Variants in HLCS observed in about 807,000 individuals in gnomAD.
HLCS encodes biotin--protein ligase.
In HLCS, 53 loss-of-function variants were observed where a neutral mutation model predicts 75.0. The ratio of observed to expected loss-of-function variants is 0.71; its 90% confidence interval spans 0.57 to 0.89. The LOEUF is 0.89. HLCS is among the 40% of genes least tolerant of loss of function. The pLI, the probability that HLCS is intolerant of heterozygous loss-of-function variation, is 0.00. For synonymous variants in HLCS, 431 were observed against 428.6 expected (o/e 1.01, Z -0.07); for missense variants, 966 against 1,074.0 (o/e 0.90, Z 1.41).
intron 5 of HLCS, among the ~76,000 whole-genome samples, chr21:36,926,392 A>G (rs2066408575): frequency 1.3e-5 from 2 of 152,214 alleles, no homozygotes; most frequent in African/African-American, 4.8e-5. Flanking sequence ...CCCTTTCTAA[A>G]TAATATGTCA....
At chr21:36,845,357 C>T (rs73212691) in intron 6 of HLCS, among the ~76,000 whole-genome samples, 15,230 of 152,078 alleles carry the variant, frequency 0.1, 889 homozygotes, top group South Asian at 0.13. Flanking sequence ...ACTTCCGTGC[C>T]GCGGCACACA....
chr21:36,945,394 GA>G (rs1429038337), intron 2 of HLCS, among the ~76,000 whole-genome samples: 2 of 152,024 alleles, frequency 1.3e-5, no homozygotes. Context: ...CCAAAAGGTA[GA>G]AACAACCCAA....
rs886057077 is a variant in HLCS at position 36,937,163 on chromosome 21, G to T, written c.723C>A (p.Gly241=). 81 of 1,613,982 alleles carry T rather than the reference G, an allele frequency of 5.0e-5. No homozygotes were observed. Among genetic ancestry groups the T allele is most frequent in the Non-Finnish European group, 6.6e-5 (78 of 1,180,016 alleles). Residue 241 remains glycine (G), a synonymous_variant, in exon 4 of 11, where the codon GGC becomes GGA. Transcript: ENST00000674895. ...EPAGDSDRGG[G]PVEHYHLHLS... is the part of the protein sequence containing the mutation. ...GATGGAGGTGATAATGCTCAACGGG[G>T]CCCCCTCCCCTGTCACTGTCCCCAG...
intron 6 of HLCS, among the ~76,000 whole-genome samples, chr21:36,875,815 G>A (rs890187324): frequency 3.3e-5 from 5 of 152,208 alleles, no homozygotes; most frequent in African/African-American, 9.6e-5. Flanking sequence ...CCCCCTGCTC[G>A]CCATGTTGCA....
upstream of HLCS, among the ~76,000 whole-genome samples, chr21:36,971,049 C>T (rs566369478): frequency 6.6e-6 from 1 of 150,636 alleles, no homozygotes; most frequent in Non-Finnish European, 1.5e-5. Flanking sequence ...AACTTTAATA[C>T]GTATATTAAC....
At chr21:36,863,363 A>C (rs2063447412) in intron 6 of HLCS, among the ~76,000 whole-genome samples, 2 of 152,238 alleles carry the variant, frequency 1.3e-5, no homozygotes, top group African/African-American at 2.4e-5. Flanking sequence ...AATCAGATGG[A>C]AAATGTGGGG....
At chr21:36,938,694 TA>T (rs1191510700) in intron 3 of HLCS, 137 bp downstream of exon 3, 1 of 814,074 alleles carries the variant, frequency 1.2e-6, no homozygotes, top group Non-Finnish European at 2.0e-6. Context: ...TTTTTGGAGA[TA>T]GGGGTCTATG....
intron 6 of HLCS, among the ~76,000 whole-genome samples, chr21:36,808,753 T>C (rs975750887): frequency 6.6e-6 from 1 of 152,368 alleles, no homozygotes; most frequent in Non-Finnish European, 1.5e-5. Flanking sequence ...GTCTTTACTC[T>C]TTTCCAAGGA....
chr21:36,797,845 A>G (rs1485564613), intron 6 of HLCS, among the ~76,000 whole-genome samples: 2 of 152,240 alleles, frequency 1.3e-5, no homozygotes, highest in Non-Finnish European at 2.9e-5. Context: ...ACACTGGTTT[A>G]TTGAGCATTT....
intron 5 of HLCS, among the ~76,000 whole-genome samples, chr21:36,900,981 C>A (rs1267796946): frequency 6.6e-6 from 1 of 152,152 alleles, no homozygotes; most frequent in Non-Finnish European, 1.5e-5. Context: ...CCCACGGGGG[C>A]TGGGCGCGGT....
intron 5 of HLCS, among the ~76,000 whole-genome samples, chr21:36,927,367 A>G (rs2066454310): frequency 6.6e-6 from 1 of 152,240 alleles, no homozygotes; most frequent in Non-Finnish European, 1.5e-5. Flanking sequence ...CCAAATGCCA[A>G]GGGCTGACCG....
chr21:36,779,590 T>C (rs8129637), intron 6 of HLCS, among the ~76,000 whole-genome samples: 95,169 of 152,036 alleles, frequency 0.63, 30,217 homozygotes, highest in Middle Eastern at 0.69. Context: ...GCAGTGCTGA[T>C]CCATATTACT....
chr21:36,961,929 G>C lies in HLCS; in HGVS notation c.330+107C>G, dbSNP rs181382792. 1.0e-4 allele frequency: 66 copies of C among 637,004 alleles called. No individual in the cohort carries two copies. In the African/African-American group the frequency reaches 1.3e-3, roughly 12 times the overall value. The allele number at this position is 637,004 out of a possible 1,614,324, so 39.5% of individuals were successfully genotyped here. On this transcript the variant is annotated intron_variant, in intron 2 of 10. Transcript: ENST00000674895. ...AGATCACACCACTGCACTCCAGCCT[G>C]GGTGACAGAGCAAGACTCTGTCTCA...
intron 6 of HLCS, among the ~76,000 whole-genome samples, chr21:36,790,741 C>G (rs1340259919): frequency 6.6e-6 from 1 of 152,118 alleles, no homozygotes; most frequent in African/African-American, 2.4e-5. Flanking sequence ...AGGCTGTCTG[C>G]CCAGGAAGGC....
At position 36,930,296 on chromosome 21, in the gene HLCS, T is replaced by C; in HGVS notation, c.1575A>G (p.Lys525=). Reference sequence around the variant, plus strand: ...AAAGAGGAGTTAAGGCAGGAACTTGTTTCATGTCACAGCTGAGGCCAAGGG... The same window carrying C: ...AAAGAGGAGTTAAGGCAGGAACTTGCTTCATGTCACAGCTGAGGCCAAGGG... ...LTTLGLSCDM[K]QVPALTPLYL... Residue 525 remains lysine, a synonymous_variant, in exon 5 of 11, where the codon AAA becomes AAG. Coordinates refer to ENST00000674895, the MANE Select transcript of HLCS (RefSeq NM_001352514.2). The C allele has an allele frequency of 6.2e-7, 1 of 1,614,140 alleles. No homozygotes were observed.
chr21:36,813,163 T>C (rs1412881584), intron 6 of HLCS, among the ~76,000 whole-genome samples: 1 of 152,258 alleles, frequency 6.6e-6, no homozygotes, highest in African/African-American at 2.4e-5. Flanking sequence ...ATAATTTTGC[T>C]GTAACGAGGA....
intron 6 of HLCS, among the ~76,000 whole-genome samples, chr21:36,854,879 C>T (rs76091776): frequency 0.045 from 6,914 of 152,240 alleles, 194 homozygotes; most frequent in Non-Finnish European, 0.055. Context: ...TCTATTTTTG[C>T]GGGTACACAG....
intron 6 of HLCS, among the ~76,000 whole-genome samples, chr21:36,845,799 C>A (rs2062778172): frequency 6.6e-6 from 1 of 152,158 alleles, no homozygotes; most frequent in Non-Finnish European, 1.5e-5. Context: ...AAAATGGCCT[C>A]CTCTGGGAGA....
intron 6 of HLCS, among the ~76,000 whole-genome samples, chr21:36,848,943 G>C (rs1192080015): frequency 6.6e-6 from 1 of 152,164 alleles, no homozygotes; most frequent in Non-Finnish European, 1.5e-5. Context: ...CTCAATGCAA[G>C]TCTAATTTGC....
Sources: allele counts gnomAD v4.1 joint callset (sites outside exome capture counted in the v4.1 genomes callset), GRCh38; gene constraint gnomAD v4.1.1; transcripts MANE v1.5; gene names NCBI Gene and HGNC (gene_info 2026-07-23, HGNC 2026-07-21).